DYNC1H1: variants seen among roughly 807,000 people sequenced by gnomAD.
DYNC1H1 encodes cytoplasmic dynein 1 heavy chain 1.
Under a neutral mutation model 527.1 loss-of-function variants are expected in DYNC1H1, and 51 were observed. That is an observed-to-expected ratio of 0.10 (90% CI 0.08 to 0.12). DYNC1H1 has a LOEUF of 0.12. Among genes scored for constraint, DYNC1H1 ranks in the 10% least tolerant of loss-of-function variants. The pLI, the probability that DYNC1H1 is intolerant of heterozygous loss-of-function variation, is 1.00. For missense variants in DYNC1H1, 2,771 were observed against 5,971.8 expected (o/e 0.46, Z 17.66); for synonymous variants, 2,189 against 2,278.8 (o/e 0.96, Z 1.12).
intron 7 of DYNC1H1, among the ~76,000 whole-genome samples, chr14:101,984,116 C>A (rs966643218): frequency 1.1e-4 from 16 of 151,960 alleles, no homozygotes; most frequent in African/African-American, 3.9e-4. Context: ...TATAGGCGCA[C>A]CCCACCATGC....
intron 5 of DYNC1H1, among the ~76,000 whole-genome samples, chr14:101,982,467 C>T (rs1194320401): frequency 1.3e-5 from 2 of 152,034 alleles, no homozygotes; most frequent in East Asian, 3.9e-4. Context: ...TGGCAGGCGC[C>T]TGTAGTCCCA....
chr14:102,026,240 A>T (rs928242550), intron 43 of DYNC1H1, among the ~76,000 whole-genome samples: 2 of 152,098 alleles, frequency 1.3e-5, no homozygotes, highest in Non-Finnish European at 2.9e-5. Context: ...CACCACTGAG[A>T]TTTTGACTGG....
In DYNC1H1 at chr14:101,979,640, A is replaced by C; in HGVS notation, c.519-79A>C. The C allele has an allele frequency of 6.2e-7, 1 of 1,608,880 alleles. No individual in the cohort carries two copies. Among genetic ancestry groups the C allele is most frequent in the Non-Finnish European group, 8.5e-7 (1 of 1,177,200 alleles). ...ATTAATAAATATGTGTGTCATTACT[A>C]TTTGACAGACCTGAAATGATGGGAT... On this transcript the variant is annotated intron_variant, in intron 3 of 77. Transcript: ENST00000360184. This position sits in a 1 kb window ranked among gnomAD's most constrained non-coding sequence, Gnocchi z 4.6.
Position 102,005,931 on chromosome 14 carries a change from TCAAAAG to T in DYNC1H1, c.5481_5486del (p.Ser1828_Lys1829del). Reference sequence around the variant, plus strand: ...CAGAGAGATGTTACAAGGTCCTTGATCAAAAGCAAGATTGACAACGCCAAATCTTTT... The same window carrying T: ...CAGAGAGATGTTACAAGGTCCTTGATCAAGATTGACAACGCCAAATCTTTT... On this transcript the variant is annotated inframe_deletion, in exon 27 of 78. Transcript: ENST00000360184. This position sits in a 1 kb window ranked among gnomAD's most constrained non-coding sequence, Gnocchi z 4.0. The T allele has an allele frequency of 6.2e-7, 1 of 1,614,252 alleles. No individual in the cohort carries two copies. Among genetic ancestry groups the T allele is most frequent in the Non-Finnish European group, 8.5e-7 (1 of 1,180,048 alleles).
intron 11 of DYNC1H1, 27 bp downstream of exon 11, chr14:101,991,700 C>T (rs1389196755): frequency 3.1e-6 from 5 of 1,613,922 alleles, no homozygotes; most frequent in Non-Finnish European, 4.2e-6. Context: ...TCGAGGCACA[C>T]GCCTCTGACC....
rs563235428 is a variant in DYNC1H1 at position 101,997,794 on chromosome 14, T to C, written c.3804+520T>C. 2.6e-5 allele frequency among the ~76,000 whole-genome samples: 4 copies of C among 152,228 alleles called. No homozygotes were observed. The highest frequency in any genetic ancestry group is 9.6e-5 in the African/African-American group (4 of 41,522). Reference sequence around the variant, plus strand: ...ACTGTGTTCCAGGCCTTGTTCTAGGTCATTGAGATATAGCAGTGAGTGAAA... The same window carrying C: ...ACTGTGTTCCAGGCCTTGTTCTAGGCCATTGAGATATAGCAGTGAGTGAAA... On this transcript the variant is annotated intron_variant, in intron 16 of 77. Coordinates refer to ENST00000360184, the MANE Select transcript of DYNC1H1 (RefSeq NM_001376.5). The surrounding 1 kb of genome is among the most constrained non-coding windows in gnomAD (Gnocchi z 4.8).
In DYNC1H1 at chr14:101,994,312, A is replaced by G. The variant is rs373823663; in HGVS notation, c.3144A>G (p.Glu1048=). The change falls in exon 12 of 78, where the codon GAA becomes GAG. Residue 1048 remains glutamate, a synonymous_variant. Transcript: ENST00000360184. ...TCATGGGCATTGTATCTGAAGTTGA[A>G]CAGTATGTCAAGGTAAGAAACTCCT... is the stretch of plus-strand genomic sequence containing the variant. ...SAVMGIVSEV[E]QYVKVWLQYQ... The G allele has an allele frequency of 6.2e-7, 1 of 1,614,046 alleles. No individual in the cohort carries two copies. The highest frequency in any genetic ancestry group is 8.5e-7 in the Non-Finnish European group (1 of 1,180,042).
rs149334294 is a variant in DYNC1H1, at chr14:101,995,377, C to T, written c.3564+77C>T. 4.2e-4 allele frequency: 657 copies of T among 1,563,630 alleles called. 3 individuals are homozygous for T. In the East Asian group the frequency reaches 0.014, roughly 32 times the overall value. ...CTGTAATCCCAGCACTTTGGGAGGCCGAGGCGGGCGGATCACGAGGTCAGG... is the reference window on the plus strand; with the variant it reads ...CTGTAATCCCAGCACTTTGGGAGGCTGAGGCGGGCGGATCACGAGGTCAGG... On this transcript the variant is annotated intron_variant, in intron 15 of 77. Coordinates refer to ENST00000360184, the MANE Select transcript of DYNC1H1 (RefSeq NM_001376.5).
At chr14:102,043,843 A>T in intron 69 of DYNC1H1, 32 bp from the exon 70 acceptor site, 1 of 1,614,018 alleles carries the variant, frequency 6.2e-7, no homozygotes, top group Non-Finnish European at 8.5e-7. Flanking sequence ...CTGTTTTCTA[A>T]TGACTCTGTG....
chr14:101,978,032 A>G (rs1441164070), intron 2 of DYNC1H1, among the ~76,000 whole-genome samples: 2 of 152,062 alleles, frequency 1.3e-5, no homozygotes, highest in African/African-American at 4.8e-5. Context: ...GATTACAGGC[A>G]CCTGCCACCA....
At chr14:102,023,078 C>T in intron 43 of DYNC1H1, 198 bp downstream of exon 43, 2 of 798,958 alleles carry the variant, frequency 2.5e-6, no homozygotes, top group Middle Eastern at 2.5e-4. Flanking sequence ...GCCTGGGCAA[C>T]ATAGTAAGAC....
rs967570768 is a variant in DYNC1H1, at chr14:102,005,422, A to G, written c.5433+186A>G. 2.0e-5 allele frequency among the ~76,000 whole-genome samples: 3 copies of G among 152,244 alleles called. No homozygotes were observed. Among genetic ancestry groups the G allele is most frequent in the African/African-American group, 7.2e-5 (3 of 41,462 alleles). ...CCTGTTGAAAGGTAATCTCAGGGGC[A>G]TGCAGGGGTTACGCGACATCACGGT... On this transcript the variant is annotated intron_variant, in intron 26 of 77. Coordinates refer to ENST00000360184, the MANE Select transcript of DYNC1H1 (RefSeq NM_001376.5). The surrounding 1 kb of genome is among the most constrained non-coding windows in gnomAD (Gnocchi z 4.0).
chr14:102,007,201 T>A (rs749679618), intron 28 of DYNC1H1, 93 bp downstream of exon 28: 11 of 1,361,582 alleles, frequency 8.1e-6, no homozygotes, highest in Non-Finnish European at 1.1e-5. Context: ...AAGCCATTGG[T>A]CTTACAGCTC....
chr14:101,974,326 C>G (rs1486534859), intron 1 of DYNC1H1, among the ~76,000 whole-genome samples: 2 of 152,122 alleles, frequency 1.3e-5, no homozygotes, highest in Non-Finnish European at 2.9e-5. Context: ...CTCGAACTCT[C>G]TACCTCAGGT....
rs1026772568 is a variant in DYNC1H1, at chr14:102,036,429, G to A, written c.10755-60G>A. The A allele has an allele frequency of 7.5e-6, 12 of 1,607,246 alleles. No homozygotes were observed. The African/African-American group carries it at 9.4e-5, about 13-fold the overall frequency. On this transcript the variant is annotated intron_variant, in intron 56 of 77. Coordinates refer to ENST00000360184, the MANE Select transcript of DYNC1H1 (RefSeq NM_001376.5). The surrounding 1 kb of genome is among the most constrained non-coding windows in gnomAD (Gnocchi z 5.6). ...TCTCTCATCAGGGACTCGGCTAACC[G>A]TGATCCTGTGCTTTCCCCATTCGGT...
rs2048537707 is a variant in DYNC1H1, at chr14:102,033,766, C to T, written c.10414-210C>T. 1.4e-6 allele frequency: 1 copy of T among 696,274 alleles called. No homozygotes were observed. The highest frequency in any genetic ancestry group is 1.8e-5 in the South Asian group (1 of 55,772). The allele number at this position is 696,274 out of a possible 1,614,324, so 43.1% of individuals were successfully genotyped here. A position where few individuals can be genotyped will look rare whatever the true frequency, so the allele number is the denominator to read the frequency against. On this transcript the variant is annotated intron_variant, in intron 54 of 77. Coordinates refer to ENST00000360184, the MANE Select transcript of DYNC1H1 (RefSeq NM_001376.5). The surrounding 1 kb of genome is among the most constrained non-coding windows in gnomAD (Gnocchi z 5.6). ...TGCTGCCTGAGGGCCTCGCTCCGTA[C>T]CCAGCTTCTGCCCCGCTGAGATTCT...
intron 1 of DYNC1H1, among the ~76,000 whole-genome samples, chr14:101,974,453 A>G (rs941228063): frequency 6.6e-6 from 1 of 152,190 alleles, no homozygotes; most frequent in East Asian, 1.9e-4. Context: ...TAAAATAATC[A>G]TGTTAAATTA....
At position 102,032,360 on chromosome 14, in the gene DYNC1H1, C is replaced by G; in HGVS notation, c.9972C>G (p.Ile3324Met). Residue 3324 changes from isoleucine to methionine, a missense_variant, in exon 52 of 78, where the codon ATC becomes ATG. Physicochemically the swap from Ile to Met is conservative, Grantham distance 10. This residue lies in a region of DYNC1H1 where 283 missense variants were observed against 737.6 expected (regional missense o/e 0.38). Coordinates refer to ENST00000360184, the MANE Select transcript of DYNC1H1 (RefSeq NM_001376.5). ...CTGTGAAGCTGGCGCTGGAGTCCAT[C>G]TGCCTGCTGCTGGGGGAAAGCACCA... ...PAAVKLALESICLLLGESTTD... is the reference protein window; with the variant it reads ...PAAVKLALESMCLLLGESTTD... 1 of 1,614,254 alleles carries G rather than the reference C, an allele frequency of 6.2e-7. No individual in the cohort carries two copies. The highest frequency in any genetic ancestry group is 8.5e-7 in the Non-Finnish European group (1 of 1,180,050).
Position 102,000,965 on chromosome 14 carries a change from T to G in DYNC1H1, c.4086T>G (p.Asn1362Lys), listed in dbSNP as rs2048124273. 6.2e-7 allele frequency: 1 copy of G among 1,614,010 alleles called. No homozygotes were observed. The highest frequency in any genetic ancestry group is 1.1e-5 in the South Asian group (1 of 91,086). The change falls in exon 19 of 78, where the codon AAT (asparagine) becomes AAG (lysine). Residue 1362 changes from asparagine (N) to lysine (K), a missense_variant. By Grantham distance (94) the Asn-to-Lys change is moderately conservative. This residue lies in a region of DYNC1H1 where 223 missense variants were observed against 462.5 expected (regional missense o/e 0.48). Coordinates refer to ENST00000360184, the MANE Select transcript of DYNC1H1 (RefSeq NM_001376.5). ...VSVQPRKLRQ[N>K]LDALLNQLKS... is the part of the protein sequence containing the mutation. ...GTTTCTCTCGACAGCTTCGACAAAATTTGGATGCCCTCCTGAACCAGCTGA... is the reference window on the plus strand; with the variant it reads ...GTTTCTCTCGACAGCTTCGACAAAAGTTGGATGCCCTCCTGAACCAGCTGA...
Sources: gnomAD v4.1 joint callset for allele counts (sites outside exome capture counted in the v4.1 genomes callset) on GRCh38, gnomAD v4.1.1 for gene constraint, gnomAD v4.1.1 regional missense constraint, Gnocchi (gnomAD v3.1) non-coding constraint, MANE v1.5 for transcripts, NCBI Gene and HGNC (gene_info 2026-07-23, HGNC 2026-07-21) for gene names.